The following WSCD1 variants were observed in gnomAD, a reference collection of about 807,000 sequenced individuals.
WSCD1 encodes sialate:O-sulfotransferase 1.
A neutral mutation model predicts 60.4 loss-of-function variants in WSCD1; 41 were observed. That is an observed-to-expected ratio of 0.68 (90% CI 0.53 to 0.88). The LOEUF is 0.88. Ranked by LOEUF, WSCD1 falls within the 40% of genes least tolerant of loss-of-function variation. The probability of loss-of-function intolerance (pLI) is 0.00; values close to 1 mark genes in which losing one functional copy is unlikely to be tolerated. For missense variants in WSCD1, 784 were observed against 796.2 expected (o/e 0.98, Z 0.18); for synonymous variants, 361 against 332.5 (o/e 1.09, Z -0.93).
chr17:6,109,397 T>C (rs548825183), intron 5 of WSCD1, among the ~76,000 whole-genome samples: 1 of 152,214 alleles, frequency 6.6e-6, no homozygotes, highest in African/African-American at 2.4e-5. Flanking sequence ...CATGGGCTAC[T>C]TGAGCTGCTT....
At chr17:6,109,349 G>A (rs1911274176) in intron 5 of WSCD1, among the ~76,000 whole-genome samples, 1 of 152,144 alleles carries the variant, frequency 6.6e-6, no homozygotes, top group Non-Finnish European at 1.5e-5. Context: ...CTGTTGACTT[G>A]TCAAGGAACC....
chr17:6,115,894 C>A lies in WSCD1; in HGVS notation c.1175-2094C>A, dbSNP rs185015291. ...TATAGGAGTGAACCACCATGCCTAG[C>A]CCATTTTCTCTGGATTTCTTAACCA... On this transcript the variant is annotated intron_variant, in intron 7 of 8. Coordinates refer to ENST00000317744, the MANE Select transcript of WSCD1 (RefSeq NM_015253.2). Among the ~76,000 whole-genome samples the A allele has an allele frequency of 4.5e-4, 68 of 152,198 alleles. 1 individual carries two copies. In the East Asian group the frequency reaches 0.012, roughly 27 times the overall value.
chr17:6,119,334 G>A (rs2150573047), intron 8 of WSCD1, among the ~76,000 whole-genome samples: 1 of 152,390 alleles, frequency 6.6e-6, no homozygotes, highest in South Asian at 2.1e-4. Flanking sequence ...CATGGGGCAA[G>A]GTACCAGGAG....
At position 6,095,205 on chromosome 17, in the gene WSCD1, G is replaced by A. The variant is rs573137717; in HGVS notation, c.831G>A (p.Ser277=). The change falls in exon 5 of 9, where the codon TCG becomes TCA. Residue 277 remains serine, a synonymous_variant. Transcript: ENST00000317744. The part of the protein sequence containing the change: ...IQANVTVGTC[S]GFCSQKEFPL... ...CCAATGTGACCGTGGGGACTTGCTC[G>A]GGCTTTTGTTCCCAGAAAGTAAGAC... 2.9e-5 allele frequency: 46 copies of A among 1,613,300 alleles called. No individual in the cohort carries two copies. The highest frequency in any genetic ancestry group is 3.3e-4 in the Middle Eastern group (2 of 6,060).
chr17:6,083,386 G>T (rs1909404210), intron 2 of WSCD1, among the ~76,000 whole-genome samples: 1 of 152,214 alleles, frequency 6.6e-6, no homozygotes, highest in South Asian at 2.1e-4. Flanking sequence ...TCTGGTGATA[G>T]AGTCAGATAT....
At chr17:6,112,806 A>G (rs189611253) in intron 7 of WSCD1, among the ~76,000 whole-genome samples, 1 of 152,380 alleles carries the variant, frequency 6.6e-6, no homozygotes, top group Admixed American at 6.5e-5. Flanking sequence ...ACACACAAAA[A>G]AATGGAAAGA....
At chr17:6,084,236 G>A (rs976591351) in intron 2 of WSCD1, among the ~76,000 whole-genome samples, 6 of 152,234 alleles carry the variant, frequency 3.9e-5, no homozygotes, top group East Asian at 3.8e-4. Flanking sequence ...TGCCAGGACC[G>A]AAGGAAGAAT....
intron 7 of WSCD1, among the ~76,000 whole-genome samples, chr17:6,111,327 T>A (rs1308121590): frequency 6.6e-6 from 1 of 152,116 alleles, no homozygotes; most frequent in African/African-American, 2.4e-5. Flanking sequence ...TCTTTTCCTA[T>A]GAAAGCTGCT....
intron 2 of WSCD1, among the ~76,000 whole-genome samples, chr17:6,081,575 G>A (rs1909276149): frequency 6.6e-6 from 1 of 151,968 alleles, no homozygotes; most frequent in African/African-American, 2.4e-5. Context: ...GCCGGGTGTG[G>A]TGGCGCATAC....
rs374938628 is a variant in WSCD1, at chr17:6,120,697, C to T, written c.*36C>T. The T allele has an allele frequency of 1.7e-5, 26 of 1,570,690 alleles. No individual in the cohort carries two copies. Among genetic ancestry groups the T allele is most frequent in the South Asian group, 3.5e-5 (3 of 84,742 alleles). On this transcript the variant is annotated 3_prime_UTR_variant, in exon 9 of 9. Coordinates refer to ENST00000317744, the MANE Select transcript of WSCD1 (RefSeq NM_015253.2). The stretch of plus-strand genomic sequence containing the variant: ...CCACGCCGCCGCCCCCGCTGAGTGA[C>T]GCAATCGCACCACGGGGCTGCGCTC...
chr17:6,112,215 G>T (rs1911451373), intron 7 of WSCD1, among the ~76,000 whole-genome samples: 1 of 152,114 alleles, frequency 6.6e-6, no homozygotes, highest in African/African-American at 2.4e-5. Context: ...GGAAAGAAAT[G>T]ATGAAGATCA....
rs1250228487 is a variant in WSCD1, at chr17:6,122,012, A to G, written c.*1351A>G. On this transcript the variant is annotated 3_prime_UTR_variant, in exon 9 of 9. Transcript: ENST00000317744. ...TGGGCCTGAACTCAGGCAGCCCTTCAGTGGCTTCTTCAGGCCTAGGATAAC... is the reference window on the plus strand; with the variant it reads ...TGGGCCTGAACTCAGGCAGCCCTTCGGTGGCTTCTTCAGGCCTAGGATAAC... 6.6e-6 allele frequency: 1 copy of G among 152,290 alleles called. No individual in the cohort carries two copies. Among genetic ancestry groups the G allele is most frequent in the Non-Finnish European group, 1.5e-5 (1 of 68,118 alleles). 9.4% of individuals were successfully genotyped at this position (152,290 alleles called of 1,614,324 possible).
At chr17:6,117,900 T>G (rs1904389695) in intron 7 of WSCD1, 88 bp from the exon 8 acceptor site, 1 of 1,393,830 alleles carries the variant, frequency 7.2e-7, no homozygotes, top group African/African-American at 1.4e-5. Flanking sequence ...ATGCCCCTGA[T>G]GCCAGCTTTA....
chr17:6,077,700 T>C (rs991582877), intron 1 of WSCD1, among the ~76,000 whole-genome samples: 2 of 152,196 alleles, frequency 1.3e-5, no homozygotes, highest in African/African-American at 4.8e-5. Context: ...CCAAATCCTA[T>C]CTAGAAAGTC....
At chr17:6,084,064 C>T (rs1195966143) in intron 2 of WSCD1, among the ~76,000 whole-genome samples, 9 of 151,744 alleles carry the variant, frequency 5.9e-5, no homozygotes, top group Non-Finnish European at 1.3e-4. Context: ...ATGGTTGCTG[C>T]CCTGGGCCGC....
In WSCD1 at chr17:6,110,467, G is replaced by A. The variant is rs927220372; in HGVS notation, c.1010-304G>A. Reference sequence around the variant, plus strand: ...TAGAATCTGGAATTATCTGTGCTATGTCAGGAGCAAGAGTTTGGCTGTGGC... The same window carrying A: ...TAGAATCTGGAATTATCTGTGCTATATCAGGAGCAAGAGTTTGGCTGTGGC... On this transcript the variant is annotated intron_variant, in intron 6 of 8. Coordinates refer to ENST00000317744, the MANE Select transcript of WSCD1 (RefSeq NM_015253.2). This position sits in a 1 kb window ranked among gnomAD's most constrained non-coding sequence, Gnocchi z 4.8. Among the ~76,000 whole-genome samples, 9 of 152,210 alleles carry A rather than the reference G, an allele frequency of 5.9e-5. No individual in the cohort carries two copies. The highest frequency in any genetic ancestry group is 2.6e-4 in the Admixed American group (4 of 15,286).
chr17:6,087,104 G>A (rs1222290658), intron 2 of WSCD1, among the ~76,000 whole-genome samples: 1 of 152,172 alleles, frequency 6.6e-6, no homozygotes, highest in East Asian at 1.9e-4. Flanking sequence ...ACTGTGTGAC[G>A]GCGTGTTTGC....
At chr17:6,114,564 AT>A (rs1253529846) in intron 7 of WSCD1, among the ~76,000 whole-genome samples, 1 of 152,076 alleles carries the variant, frequency 6.6e-6, no homozygotes, top group Non-Finnish European at 1.5e-5. Context: ...AATTACTTTG[AT>A]TTGATTATTA....
intron 5 of WSCD1, among the ~76,000 whole-genome samples, chr17:6,105,598 C>T (rs1459089448): frequency 1.3e-5 from 2 of 152,096 alleles, no homozygotes; most frequent in Admixed American, 6.5e-5. Flanking sequence ...TAAATAAAAC[C>T]ACATTACTGT....
Sources: gnomAD v4.1 joint callset for allele counts (sites outside exome capture counted in the v4.1 genomes callset) on GRCh38, gnomAD v4.1.1 for gene constraint, Gnocchi (gnomAD v3.1) non-coding constraint, MANE v1.5 for transcripts, NCBI Gene and HGNC (gene_info 2026-07-23, HGNC 2026-07-21) for gene names.